Variants in RBPMS observed in about 807,000 individuals in gnomAD.
RBPMS encodes the protein RNA-binding protein with multiple splicing.
RBPMS carries 7 observed loss-of-function variants against 26.8 expected under a neutral mutation model. That is an observed-to-expected ratio of 0.26 (90% CI 0.15 to 0.49). The LOEUF is 0.49. RBPMS is among the 20% of genes least tolerant of loss of function. RBPMS has a pLI of 0.98. For missense variants in RBPMS, 186 were observed against 250.0 expected, an observed-to-expected ratio of 0.74 and a Z score of 1.73; for synonymous variants, 96 against 93.3, an observed-to-expected ratio of 1.03 and a Z score of -0.17.
chr8:30,536,073 C>T (rs1029824567), intron 5 of RBPMS, among the ~76,000 whole-genome samples: 4 of 151,484 alleles, frequency 2.6e-5, no homozygotes, highest in African/African-American at 7.3e-5. Flanking sequence ...GTAAGCACAA[C>T]AGACACAGGC....
intron 1 of RBPMS, among the ~76,000 whole-genome samples, chr8:30,467,533 C>T (rs1162593512): frequency 6.6e-6 from 1 of 152,182 alleles, no homozygotes; most frequent in Non-Finnish European, 1.5e-5. Flanking sequence ...AGTGATCCCT[C>T]AGTTCTTATC....
intron 1 of RBPMS, among the ~76,000 whole-genome samples, chr8:30,439,223 A>G (rs1264775239): frequency 2.6e-5 from 4 of 152,186 alleles, no homozygotes; most frequent in African/African-American, 9.7e-5. Flanking sequence ...ATGTTTGGAG[A>G]TAAACTTTGT....
At chr8:30,506,572 T>C (rs1821089101) in intron 5 of RBPMS, among the ~76,000 whole-genome samples, 1 of 152,082 alleles carries the variant, frequency 6.6e-6, no homozygotes, top group Non-Finnish European at 1.5e-5. Context: ...CTAAGAACAC[T>C]GTGTTGGGTC....
At chr8:30,558,581 T>C in intron 6 of RBPMS, 1 of 490,026 alleles carries the variant, frequency 2.0e-6, no homozygotes, top group South Asian at 2.2e-5. Context: ...TGCCGGATCT[T>C]AGCCTCAAAT....
At chr8:30,504,591 A>G (rs1183978435) in intron 5 of RBPMS, among the ~76,000 whole-genome samples, 155 bp downstream of exon 5, 1 of 152,202 alleles carries the variant, frequency 6.6e-6, no homozygotes, top group African/African-American at 2.4e-5. Context: ...AGAATTCCAA[A>G]TACAGCAATC....
At chr8:30,549,804 T>TCTC (rs1383466717) in intron 6 of RBPMS, among the ~76,000 whole-genome samples, 8 of 102,816 alleles carry the variant, frequency 7.8e-5, no homozygotes, top group Admixed American at 3.1e-4. Context: ...CTCCCCTCTC[T>TCTC]CCTCTCTCTC....
intron 4 of RBPMS, among the ~76,000 whole-genome samples, chr8:30,501,797 T>C (rs1820584703): frequency 6.6e-6 from 1 of 152,218 alleles, no homozygotes; most frequent in Admixed American, 6.5e-5. Context: ...CAGCATTTAA[T>C]GTGGAGTAAT....
At chr8:30,530,790 A>G (rs774277570) in intron 5 of RBPMS, among the ~76,000 whole-genome samples, 3 of 152,080 alleles carry the variant, frequency 2.0e-5, no homozygotes, top group African/African-American at 7.2e-5. Context: ...TAAACCCTTT[A>G]TCTTTTCAAT....
rs139508114 is a variant in RBPMS, at chr8:30,544,546, G to T, written c.450G>T (p.Pro150=). 2 of 1,613,992 alleles carry T rather than the reference G, an allele frequency of 1.2e-6. No homozygotes were observed. The highest frequency in any genetic ancestry group is 2.7e-5 in the African/African-American group (2 of 74,898). ...LYPSSPEVWA[P]YPLYPAELAP... ...CCAGTAGCCCTGAAGTGTGGGCCCC[G>T]TACCCTCTGTACCCAGCGGAGTTAG... The change falls in exon 6 of 9, where the codon CCG becomes CCT. Residue 150 remains proline, a synonymous_variant. Coordinates refer to ENST00000397323, the MANE Select transcript of RBPMS (RefSeq NM_001008710.3).
At chr8:30,438,163 T>G (rs1191464976) in intron 1 of RBPMS, among the ~76,000 whole-genome samples, 5 of 152,200 alleles carry the variant, frequency 3.3e-5, no homozygotes, top group African/African-American at 1.2e-4. Flanking sequence ...ATGCCTGTAA[T>G]CCCAACACTT....
chr8:30,545,917 G>A (rs998061594), intron 6 of RBPMS, among the ~76,000 whole-genome samples: 1 of 152,176 alleles, frequency 6.6e-6, no homozygotes, highest in African/African-American at 2.4e-5. Context: ...TGGTGGTTGA[G>A]AGTACATGGC....
intron 1 of RBPMS, among the ~76,000 whole-genome samples, chr8:30,421,111 G>A (rs757587203): frequency 5.9e-5 from 9 of 152,124 alleles, no homozygotes; most frequent in Non-Finnish European, 1.2e-4. Context: ...TTTAGAATTT[G>A]TATGTAATTA....
intron 4 of RBPMS, among the ~76,000 whole-genome samples, chr8:30,490,051 A>G (rs975346055): frequency 6.9e-6 from 1 of 144,930 alleles, no homozygotes; most frequent in Non-Finnish European, 1.5e-5. Flanking sequence ...TGATTTTGTG[A>G]TCCTCCCGCC....
At chr8:30,441,955 A>G (rs1211100410) in intron 1 of RBPMS, among the ~76,000 whole-genome samples, 3 of 151,768 alleles carry the variant, frequency 2.0e-5, no homozygotes, top group African/African-American at 7.3e-5. Context: ...AGGTCCAGCT[A>G]ATTTTTTTAT....
intron 1 of RBPMS, among the ~76,000 whole-genome samples, chr8:30,409,675 C>A (rs1809065876): frequency 6.6e-6 from 1 of 152,104 alleles, no homozygotes; most frequent in Non-Finnish European, 1.5e-5. Flanking sequence ...GCTCTGTTGC[C>A]AGGCTGGAGT....
chr8:30,530,434 A>G (rs1012279969), intron 5 of RBPMS, among the ~76,000 whole-genome samples: 8 of 152,152 alleles, frequency 5.3e-5, no homozygotes, highest in African/African-American at 1.9e-4. Context: ...ACACGGTTGA[A>G]TATGTGTTCT....
chr8:30,453,322 A>G (rs1375080300), intron 1 of RBPMS, among the ~76,000 whole-genome samples: 2 of 152,236 alleles, frequency 1.3e-5, no homozygotes, highest in East Asian at 3.8e-4. Flanking sequence ...ATCAGAATCT[A>G]CATTTCAATA....
intron 5 of RBPMS, among the ~76,000 whole-genome samples, chr8:30,506,500 CTCTGGGA>C (rs1016186132): frequency 2.0e-5 from 3 of 152,090 alleles, no homozygotes; most frequent in African/African-American, 7.2e-5. Flanking sequence ...TTGCCATTCC[CTCTGGGA>C]ACTGGGAACT....
intron 1 of RBPMS, among the ~76,000 whole-genome samples, chr8:30,417,807 G>T (rs1051298930): frequency 6.6e-6 from 1 of 152,146 alleles, no homozygotes; most frequent in African/African-American, 2.4e-5. Flanking sequence ...GTGTTTCAAT[G>T]TATGGATGTT....
Sources: gnomAD v4.1 joint callset for allele counts (sites outside exome capture counted in the v4.1 genomes callset) on GRCh38, gnomAD v4.1.1 for gene constraint, MANE v1.5 for transcripts, NCBI Gene and HGNC (gene_info 2026-07-23, HGNC 2026-07-21) for gene names.